GALNT17: variants seen among roughly 807,000 people sequenced by gnomAD.
GALNT17 encodes the protein polypeptide N-acetylgalactosaminyltransferase 17.
Under a neutral mutation model 63.7 loss-of-function variants are expected in GALNT17, and 29 were observed. The observed-to-expected ratio is 0.46, with a 90% CI of 0.34 to 0.62. The LOEUF is 0.62. Among genes scored for constraint, GALNT17 ranks in the 20% least tolerant of loss-of-function variants. GALNT17 has a pLI of 0.01. For missense variants in GALNT17, 603 were observed against 799.6 expected, an observed-to-expected ratio of 0.75 and a Z score of 2.97; for synonymous variants, 305 against 318.3, an observed-to-expected ratio of 0.96 and a Z score of 0.45.
At chr7:71,561,782 C>T (rs1220680920) in intron 5 of GALNT17, among the ~76,000 whole-genome samples, 2 of 151,890 alleles carry the variant, frequency 1.3e-5, no homozygotes, top group Non-Finnish European at 2.9e-5. Flanking sequence ...CAACAGGTGA[C>T]TGAGACAGCG....
chr7:71,710,603 A>C (rs1791778653), intron 9 of GALNT17, among the ~76,000 whole-genome samples, 158 bp from the exon 10 acceptor site: 1 of 152,002 alleles, frequency 6.6e-6, no homozygotes, highest in African/African-American at 2.4e-5. Flanking sequence ...CTGTCCTGTG[A>C]GGTGAGCATA....
At chr7:71,711,897 CTTTT>C in intron 10 of GALNT17, 117 bp from the exon 11 acceptor site, 1 of 1,125,854 alleles carries the variant, frequency 8.9e-7, no homozygotes, top group Non-Finnish European at 1.3e-6. Flanking sequence ...TTTCTCTTCT[CTTTT>C]TCTTTTTCTC....
At chr7:71,710,231 C>A (rs1054700530) in intron 9 of GALNT17, among the ~76,000 whole-genome samples, 2 of 152,110 alleles carry the variant, frequency 1.3e-5, no homozygotes, top group African/African-American at 4.8e-5. Context: ...AGATCAGGGC[C>A]GGGCGCCGTG....
intron 5 of GALNT17, among the ~76,000 whole-genome samples, chr7:71,545,595 A>G (rs770808181): frequency 2.6e-5 from 4 of 151,954 alleles, no homozygotes; most frequent in Non-Finnish European, 4.4e-5. Flanking sequence ...CTAGCGATCC[A>G]CCTGCTTTGG....
chr7:71,320,864 A>G (rs1050377591), intron 1 of GALNT17, among the ~76,000 whole-genome samples: 2 of 152,168 alleles, frequency 1.3e-5, no homozygotes, highest in Admixed American at 1.3e-4. Context: ...TATGACCAGA[A>G]TTGTTGTCAC....
At chr7:71,169,973 AT>A (rs377000583) in intron 1 of GALNT17, among the ~76,000 whole-genome samples, 6,225 of 134,994 alleles carry the variant, frequency 0.046, 149 homozygotes, top group African/African-American at 0.084. Flanking sequence ...TACCTTCATC[AT>A]TTTTTTTTTT....
intron 5 of GALNT17, among the ~76,000 whole-genome samples, chr7:71,565,532 C>T: frequency 6.8e-6 from 1 of 147,522 alleles, no homozygotes; most frequent in Non-Finnish European, 1.5e-5. Flanking sequence ...GAGCACACTC[C>T]CCTGATACCC....
At chr7:71,268,487 G>A (rs1790530550) in intron 1 of GALNT17, among the ~76,000 whole-genome samples, 1 of 151,562 alleles carries the variant, frequency 6.6e-6, no homozygotes, top group Non-Finnish European at 1.5e-5. Flanking sequence ...GGAGGTGGAT[G>A]TTGCAGTGAG....
chr7:71,519,118 C>T (rs7783170), intron 5 of GALNT17, among the ~76,000 whole-genome samples: 107,287 of 151,874 alleles, frequency 0.71, 38,345 homozygotes, highest in African/African-American at 0.76. Context: ...GTCCAGCTGG[C>T]TCAGGGACTG....
At chr7:71,504,651 T>C (rs1235101795) in intron 5 of GALNT17, among the ~76,000 whole-genome samples, 1 of 152,242 alleles carries the variant, frequency 6.6e-6, no homozygotes, top group Non-Finnish European at 1.5e-5. Context: ...TTACATAGTT[T>C]ACTTATTTAC....
chr7:71,661,205 C>G (rs1052826651), intron 6 of GALNT17, among the ~76,000 whole-genome samples: 7 of 152,168 alleles, frequency 4.6e-5, no homozygotes, highest in African/African-American at 1.4e-4. Flanking sequence ...GTCAGCTCTC[C>G]CAGGGCAGGA....
chr7:71,436,042 A>C (rs1490678903), intron 5 of GALNT17, among the ~76,000 whole-genome samples: 1 of 143,176 alleles, frequency 7.0e-6, no homozygotes, highest in Non-Finnish European at 1.5e-5. Context: ...AAAAAAAAAA[A>C]CAACTCTGAT....
At chr7:71,250,055 A>G (rs1249156325) in intron 1 of GALNT17, among the ~76,000 whole-genome samples, 2 of 152,206 alleles carry the variant, frequency 1.3e-5, no homozygotes, top group Non-Finnish European at 2.9e-5. Context: ...AAATTATAGC[A>G]TTTTCAGCCA....
At chr7:71,550,432 G>A (rs905700541) in intron 5 of GALNT17, among the ~76,000 whole-genome samples, 4 of 152,066 alleles carry the variant, frequency 2.6e-5, no homozygotes, top group African/African-American at 7.2e-5. Context: ...CCAGGCTGGA[G>A]TGCAGTGGCG....
intron 1 of GALNT17, among the ~76,000 whole-genome samples, chr7:71,197,498 G>A (rs1044525968): frequency 1.3e-5 from 2 of 151,660 alleles, no homozygotes; most frequent in East Asian, 1.9e-4. Flanking sequence ...ATGAGACACC[G>A]CGCCTGGCCC....
intron 6 of GALNT17, among the ~76,000 whole-genome samples, chr7:71,593,736 A>G (rs911191834): frequency 6.6e-6 from 1 of 152,212 alleles, no homozygotes; most frequent in Admixed American, 6.5e-5. Flanking sequence ...TTGAAAATCT[A>G]AAAGGAGAAT....
intron 6 of GALNT17, among the ~76,000 whole-genome samples, chr7:71,611,493 A>ACGC (rs2116952976): frequency 6.6e-6 from 1 of 152,236 alleles, no homozygotes; most frequent in African/African-American, 2.4e-5. Context: ...AATAGCTTAT[A>ACGC]CGCTTCTGTG....
At chr7:71,612,692 G>T (rs1790143030) in intron 6 of GALNT17, among the ~76,000 whole-genome samples, 1 of 152,178 alleles carries the variant, frequency 6.6e-6, no homozygotes, top group African/African-American at 2.4e-5. Flanking sequence ...TCCTGCAATT[G>T]TTTCCCTTTG....
chr7:71,701,761 A>G (rs80269635), intron 9 of GALNT17, among the ~76,000 whole-genome samples: 330 of 26,174 alleles, frequency 0.013, 7 homozygotes, highest in African/African-American at 0.027. Context: ...ATGTATATAT[A>G]TGTGTATATA....
Sources: allele counts gnomAD v4.1 joint callset (sites outside exome capture counted in the v4.1 genomes callset), GRCh38; gene constraint gnomAD v4.1.1; transcripts MANE v1.5; gene names NCBI Gene and HGNC (gene_info 2026-07-23, HGNC 2026-07-21).